The following PRKD1 variants were observed in gnomAD, a reference collection of about 807,000 sequenced individuals.
The protein encoded by PRKD1 is serine/threonine-protein kinase D1.
PRKD1 carries 63 observed loss-of-function variants against 95.9 expected under a neutral mutation model. That is an observed-to-expected ratio of 0.66 (90% CI 0.54 to 0.81). The LOEUF (loss-of-function observed/expected upper bound fraction) is 0.81. PRKD1 is among the 30% of genes least tolerant of loss of function. The pLI, the probability that PRKD1 is intolerant of heterozygous loss-of-function variation, is 0.00. For synonymous variants in PRKD1, 425 were observed against 423.1 expected (o/e 1.00, Z -0.05); for missense variants, 1,048 against 1,165.3 (o/e 0.90, Z 1.47).
At chr14:29,602,333 T>C (rs1369818730) in intron 13 of PRKD1, among the ~76,000 whole-genome samples, 2 of 152,004 alleles carry the variant, frequency 1.3e-5, no homozygotes, top group Admixed American at 6.6e-5. Context: ...ATTCTGAAAG[T>C]TGGAGAAGAG....
chr14:29,873,843 C>T (rs1594593656), intron 1 of PRKD1, among the ~76,000 whole-genome samples: 1 of 151,554 alleles, frequency 6.6e-6, no homozygotes, highest in Non-Finnish European at 1.5e-5. Context: ...AATAAAGTAG[C>T]ACATATATAA....
At chr14:29,652,150 A>G (rs1186966366) in intron 4 of PRKD1, among the ~76,000 whole-genome samples, 1 of 152,224 alleles carries the variant, frequency 6.6e-6, no homozygotes, top group Non-Finnish European at 1.5e-5. Flanking sequence ...AGATGGACGC[A>G]GATGCCCACA....
intron 16 of PRKD1, among the ~76,000 whole-genome samples, chr14:29,589,518 A>G (rs1594342456): frequency 1.3e-5 from 2 of 152,228 alleles, no homozygotes; most frequent in East Asian, 3.9e-4. Context: ...TGGACATGAT[A>G]GTTGAGTGAC....
At chr14:29,593,675 G>A (rs764024170) in intron 16 of PRKD1, among the ~76,000 whole-genome samples, 12 of 152,168 alleles carry the variant, frequency 7.9e-5, no homozygotes, top group Non-Finnish European at 1.2e-4. Flanking sequence ...GAGAGATGGC[G>A]AAACAATAAC....
Position 29,684,143 on chromosome 14 carries a change from G to T in PRKD1, c.404-17935C>A, listed in dbSNP as rs938255488. 1.8e-4 allele frequency among the ~76,000 whole-genome samples: 24 copies of T among 135,810 alleles called. No homozygotes were observed. The East Asian group carries it at 3.4e-3, about 19-fold the overall frequency. 89.1% of individuals were successfully genotyped at this position (135,810 alleles called of 152,430 possible). ...CTTCCAGTATTTTTTCTTTAGAATG[G>T]TTTTTTTTTTTTTTTTCTTTTTTCT... On this transcript the variant is annotated intron_variant, in intron 2 of 17. Coordinates refer to ENST00000331968, the MANE Select transcript of PRKD1 (RefSeq NM_002742.3).
At chr14:29,656,625 GCTTTC>G in intron 4 of PRKD1, 1 of 1,146,434 alleles carries the variant, frequency 8.7e-7, no homozygotes, top group Middle Eastern at 2.0e-4. Context: ...ATATAGGCAT[GCTTTC>G]AAAAAAAAGC....
intron 2 of PRKD1, among the ~76,000 whole-genome samples, chr14:29,710,723 A>G (rs1202781985): frequency 1.3e-5 from 2 of 152,188 alleles, no homozygotes; most frequent in East Asian, 3.8e-4. Flanking sequence ...CAAATGTACC[A>G]TGACAATGTA....
At chr14:29,786,280 A>T (rs1195407968) in intron 1 of PRKD1, among the ~76,000 whole-genome samples, 1 of 152,162 alleles carries the variant, frequency 6.6e-6, no homozygotes, top group Non-Finnish European at 1.5e-5. Flanking sequence ...TATGTTCATC[A>T]GGAATATGGC....
intron 2 of PRKD1, among the ~76,000 whole-genome samples, chr14:29,708,168 T>C (rs1018698515): frequency 6.6e-6 from 1 of 152,036 alleles, no homozygotes; most frequent in Non-Finnish European, 1.5e-5. Flanking sequence ...GAAGGACAAT[T>C]TAACAAGATG....
intron 1 of PRKD1, among the ~76,000 whole-genome samples, chr14:29,749,856 T>C (rs1233970678): frequency 1.3e-5 from 2 of 152,246 alleles, no homozygotes; most frequent in South Asian, 2.1e-4. Flanking sequence ...TCCTACTGCA[T>C]GTGCAAGTTG....
intron 1 of PRKD1, among the ~76,000 whole-genome samples, chr14:29,856,745 T>C (rs1892520707): frequency 3.3e-5 from 5 of 152,128 alleles, no homozygotes; most frequent in Admixed American, 2.0e-4. Context: ...GTACCTAAAA[T>C]AGGAACAGAC....
At chr14:29,676,778 G>A (rs909970974) in intron 2 of PRKD1, among the ~76,000 whole-genome samples, 1 of 152,116 alleles carries the variant, frequency 6.6e-6, no homozygotes, top group Non-Finnish European at 1.5e-5. Flanking sequence ...TTTAGAGTAG[G>A]ACATGGACTG....
intron 2 of PRKD1, among the ~76,000 whole-genome samples, chr14:29,702,704 C>T (rs1884900090): frequency 6.6e-6 from 1 of 151,806 alleles, no homozygotes; most frequent in African/African-American, 2.4e-5. Flanking sequence ...TTTTGTAATT[C>T]CCTTATTTTA....
chr14:29,812,163 G>A (rs1189140092), intron 1 of PRKD1: 2 of 152,062 alleles, frequency 1.3e-5, no homozygotes, highest in African/African-American at 4.8e-5. Flanking sequence ...ATGTCATTGA[G>A]AAAAACCATG....
intron 16 of PRKD1, among the ~76,000 whole-genome samples, chr14:29,579,209 A>G (rs7161697): frequency 0.71 from 107,548 of 151,642 alleles, 38,353 homozygotes; most frequent in Non-Finnish European, 0.75. Flanking sequence ...TTTTCTGGAC[A>G]TTATATTTTC....
chr14:29,828,215 T>A (rs140815763), intron 1 of PRKD1, among the ~76,000 whole-genome samples: 1 of 152,018 alleles, frequency 6.6e-6, no homozygotes, highest in Admixed American at 6.6e-5. Context: ...GCAGGCTGTA[T>A]AGGAAGTCTG....
intron 2 of PRKD1, among the ~76,000 whole-genome samples, chr14:29,699,660 T>C (rs988533327): frequency 2.0e-5 from 3 of 152,212 alleles, no homozygotes; most frequent in Non-Finnish European, 4.4e-5. Context: ...TAGGTTTGAA[T>C]AGGGCAATGA....
intron 1 of PRKD1, among the ~76,000 whole-genome samples, chr14:29,893,199 G>A (rs1005784027): frequency 6.6e-6 from 1 of 151,644 alleles, no homozygotes; most frequent in Non-Finnish European, 1.5e-5. Flanking sequence ...ATGGTAGAAA[G>A]GTAAAATTTC....
chr14:29,662,095 G>A (rs889343526), intron 4 of PRKD1, among the ~76,000 whole-genome samples: 1 of 151,726 alleles, frequency 6.6e-6, no homozygotes, highest in Admixed American at 6.6e-5. Flanking sequence ...CTTTAAGTTG[G>A]TTTAAAAACA....
Sources: allele counts gnomAD v4.1 joint callset (sites outside exome capture counted in the v4.1 genomes callset), GRCh38; gene constraint gnomAD v4.1.1; transcripts MANE v1.5; gene names NCBI Gene and HGNC (gene_info 2026-07-23, HGNC 2026-07-21).